HLCS: variants seen among roughly 807,000 people sequenced by gnomAD.
HLCS encodes the protein holocarboxylase synthetase.
Under a neutral mutation model 75.0 loss-of-function variants are expected in HLCS, and 53 were observed. The observed-to-expected ratio is 0.71, with a 90% CI of 0.57 to 0.89. The LOEUF (loss-of-function observed/expected upper bound fraction) is 0.89, where lower values mean the gene tolerates loss of function less well. HLCS is among the 40% of genes least tolerant of loss of function. HLCS has a pLI of 0.00. For missense variants in HLCS, 966 were observed against 1,074.0 expected, an observed-to-expected ratio of 0.90 and a Z score of 1.41; for synonymous variants, 431 against 428.6, an observed-to-expected ratio of 1.01 and a Z score of -0.07.
At chr21:36,861,582 C>G (rs1293375990) in intron 6 of HLCS, among the ~76,000 whole-genome samples, 1 of 152,106 alleles carries the variant, frequency 6.6e-6, no homozygotes, top group Non-Finnish European at 1.5e-5. Flanking sequence ...GCCCATTGTT[C>G]CCCTCTTTGT....
chr21:36,985,871 C>G (rs926893886), intron 1 of HLCS, among the ~76,000 whole-genome samples: 2 of 152,012 alleles, frequency 1.3e-5, no homozygotes, highest in African/African-American at 4.8e-5. Flanking sequence ...ATTTTTGGCA[C>G]AGGATGTCAG....
intron 6 of HLCS, among the ~76,000 whole-genome samples, chr21:36,816,851 G>C (rs16994503): frequency 0.036 from 5,503 of 152,226 alleles, 145 homozygotes; most frequent in African/African-American, 0.074. Flanking sequence ...GAGGGAAATT[G>C]GTGGTAAAAA....
chr21:36,856,630 T>C (rs376186572), intron 6 of HLCS, among the ~76,000 whole-genome samples: 2 of 151,772 alleles, frequency 1.3e-5, no homozygotes, highest in African/African-American at 2.4e-5. Context: ...CTAGGAAGTA[T>C]ATCATCAGGT....
chr21:36,962,648 T>C (rs1420446237), intron 1 of HLCS, among the ~76,000 whole-genome samples: 3 of 151,056 alleles, frequency 2.0e-5, no homozygotes, highest in African/African-American at 4.9e-5. Context: ...AAAAAATGAG[T>C]TGGGCATGGG....
At chr21:36,785,423 C>G (rs1056169271) in intron 6 of HLCS, among the ~76,000 whole-genome samples, 2 of 152,140 alleles carry the variant, frequency 1.3e-5, no homozygotes, top group Non-Finnish European at 2.9e-5. Context: ...TCCCTTGCCC[C>G]CAATTCCATT....
At chr21:36,897,205 T>C (rs1227859924) in intron 5 of HLCS, 74 bp from the exon 6 acceptor site, 5 of 1,521,034 alleles carry the variant, frequency 3.3e-6, no homozygotes, top group Non-Finnish European at 4.5e-6. Context: ...TTCCTTATAA[T>C]GCCATTTTGG....
chr21:36,872,165 G>A (rs11700783), intron 6 of HLCS, among the ~76,000 whole-genome samples: 27,854 of 152,018 alleles, frequency 0.18, 2,722 homozygotes, highest in Middle Eastern at 0.29. Context: ...GCTCACACCT[G>A]TAATCCTAGC....
At chr21:36,945,439 G>A (rs1390936024) in intron 2 of HLCS, among the ~76,000 whole-genome samples, 1 of 152,064 alleles carries the variant, frequency 6.6e-6, no homozygotes, top group Non-Finnish European at 1.5e-5. Context: ...TAAATAAAAT[G>A]TATATAGCTA....
chr21:36,868,164 A>G (rs936389461), intron 6 of HLCS, among the ~76,000 whole-genome samples: 4 of 151,118 alleles, frequency 2.6e-5, no homozygotes, highest in Non-Finnish European at 5.9e-5. Flanking sequence ...GAAAGGAAAA[A>G]AGGGAAGGGA....
chr21:36,983,454 G>T (rs1316106419), intron 1 of HLCS, among the ~76,000 whole-genome samples: 1 of 151,592 alleles, frequency 6.6e-6, no homozygotes, highest in East Asian at 2.0e-4. Context: ...CAAGTGACCC[G>T]CCCACCTCGA....
At chr21:36,863,563 T>C (rs971047944) in intron 6 of HLCS, among the ~76,000 whole-genome samples, 1 of 152,144 alleles carries the variant, frequency 6.6e-6, no homozygotes, top group Non-Finnish European at 1.5e-5. Context: ...TGGGATTTTG[T>C]AGGTTCTGAA....
intron 6 of HLCS, among the ~76,000 whole-genome samples, chr21:36,850,291 C>T (rs2062946907): frequency 6.6e-6 from 1 of 152,168 alleles, no homozygotes; most frequent in African/African-American, 2.4e-5. Flanking sequence ...AGAAGGGACT[C>T]GGAGAATGGA....
At chr21:36,763,181 T>C (rs2145759306) in intron 8 of HLCS, among the ~76,000 whole-genome samples, 1 of 152,304 alleles carries the variant, frequency 6.6e-6, no homozygotes, top group East Asian at 1.9e-4. Context: ...CCCATCACCA[T>C]GTCTGGCTAC....
intron 1 of HLCS, among the ~76,000 whole-genome samples, chr21:36,975,707 A>G (rs1478663960): frequency 2.0e-5 from 3 of 152,186 alleles, no homozygotes; most frequent in Non-Finnish European, 4.4e-5. Context: ...CGGGAGTTCC[A>G]GGATGTAGTG....
chr21:36,779,621 T>G lies in HLCS; in HGVS notation c.1893-12336A>C, dbSNP rs117678920. Among the ~76,000 whole-genome samples the G allele has an allele frequency of 4.2e-3, 641 of 152,332 alleles. 5 individuals carry two copies. Among genetic ancestry groups the G allele is most frequent in the Middle Eastern group, 0.014 (4 of 294 alleles). On this transcript the variant is annotated intron_variant, in intron 6 of 10. Coordinates refer to ENST00000674895, the MANE Select transcript of HLCS (RefSeq NM_001352514.2). ...TTACTGCGAAATCACACTTACTAACTAGAGTTCAATATTTGTTTACAGTTT... is the reference window on the plus strand; with the variant it reads ...TTACTGCGAAATCACACTTACTAACGAGAGTTCAATATTTGTTTACAGTTT...
At chr21:36,954,062 T>C (rs1167117642) in intron 2 of HLCS, among the ~76,000 whole-genome samples, 2 of 152,092 alleles carry the variant, frequency 1.3e-5, no homozygotes, top group East Asian at 1.9e-4. Context: ...TCCCAGCACT[T>C]TGGGAGGCCG....
rs138328245 is a variant in HLCS, at chr21:36,928,998, T to C, written c.1620+1253A>G. Among the ~76,000 whole-genome samples the C allele has an allele frequency of 7.2e-5, 11 of 152,352 alleles. No individual in the cohort carries two copies. The East Asian group carries it at 2.1e-3, about 29-fold the overall frequency. The stretch of plus-strand genomic sequence containing the variant: ...AAGGACAAAAATGTGAAGCATCTGT[T>C]GTGTGCTTGAATATAAGCAGACACA... On this transcript the variant is annotated intron_variant, in intron 5 of 10. Coordinates refer to ENST00000674895, the MANE Select transcript of HLCS (RefSeq NM_001352514.2).
At chr21:36,882,897 C>A (rs2146278733) in intron 6 of HLCS, among the ~76,000 whole-genome samples, 1 of 152,270 alleles carries the variant, frequency 6.6e-6, no homozygotes, top group South Asian at 2.1e-4. Flanking sequence ...ACAGACTTCC[C>A]CATCATTCCT....
chr21:36,791,095 GA>G (rs937155457), intron 6 of HLCS, among the ~76,000 whole-genome samples: 2 of 152,082 alleles, frequency 1.3e-5, no homozygotes, highest in East Asian at 3.9e-4. Context: ...AATCATAATA[GA>G]AAAAAACAGC....
Sources: gnomAD v4.1 joint callset for allele counts (sites outside exome capture counted in the v4.1 genomes callset) on GRCh38, gnomAD v4.1.1 for gene constraint, MANE v1.5 for transcripts, NCBI Gene and HGNC (gene_info 2026-07-23, HGNC 2026-07-21) for gene names.